DLGAP2: variants seen among roughly 807,000 people sequenced by gnomAD.
DLGAP2 encodes the protein DLG associated protein 2.
A neutral mutation model predicts 100.3 loss-of-function variants in DLGAP2; 26 were observed. The ratio of observed to expected loss-of-function variants is 0.26; its 90% CI spans 0.19 to 0.36. DLGAP2 has a LOEUF of 0.36. DLGAP2 is among the 10% of genes least tolerant of loss of function. DLGAP2 has a pLI of 1.00. For synonymous variants in DLGAP2, 886 were observed against 630.1 expected, an observed-to-expected ratio of 1.41 and a Z score of -6.08; for missense variants, 1,858 against 1,453.2, an observed-to-expected ratio of 1.28 and a Z score of -4.53.
intron 2 of DLGAP2, among the ~76,000 whole-genome samples, chr8:1,146,430 T>G (rs765793376): frequency 6.6e-6 from 1 of 152,236 alleles, no homozygotes; most frequent in South Asian, 2.1e-4. Context: ...ATGGAATCTT[T>G]GATGATCAGA....
At chr8:1,555,310 G>C (rs1011760676) in intron 5 of DLGAP2, among the ~76,000 whole-genome samples, 2 of 152,124 alleles carry the variant, frequency 1.3e-5, no homozygotes, top group African/African-American at 4.8e-5. Context: ...GTCCTAAAAC[G>C]CCTCCTTGAG....
intron 3 of DLGAP2, among the ~76,000 whole-genome samples, chr8:1,409,463 C>G (rs1007503584): frequency 2.6e-5 from 4 of 152,224 alleles, no homozygotes; most frequent in Admixed American, 1.3e-4. Context: ...TCAGTAAAGA[C>G]TGATTTCAGA....
At chr8:1,478,662 G>A (rs534172194) in intron 3 of DLGAP2, among the ~76,000 whole-genome samples, 152 of 150,186 alleles carry the variant, frequency 1.0e-3, no homozygotes, top group African/African-American at 3.4e-3. Flanking sequence ...CATTGACACC[G>A]GAGATGCCCA....
intron 2 of DLGAP2, among the ~76,000 whole-genome samples, chr8:975,191 A>G (rs1456018877): frequency 1.3e-5 from 2 of 152,236 alleles, no homozygotes; most frequent in African/African-American, 4.8e-5. Flanking sequence ...AACTCACACA[A>G]GAAGGAATAG....
intron 1 of DLGAP2, among the ~76,000 whole-genome samples, chr8:830,602 G>T (rs767335056): frequency 6.6e-6 from 1 of 152,016 alleles, no homozygotes. Context: ...TTTAAGTTAC[G>T]GGTGCTACTG....
At chr8:814,845 C>T (rs538089763) in intron 1 of DLGAP2, among the ~76,000 whole-genome samples, 10 of 101,726 alleles carry the variant, frequency 9.8e-5, no homozygotes, top group Admixed American at 2.3e-4. Context: ...AGCAAGACTC[C>T]GTCTCAAAAA....
intron 3 of DLGAP2, among the ~76,000 whole-genome samples, chr8:1,441,387 G>T (rs1001844266): frequency 3.3e-5 from 5 of 151,910 alleles, no homozygotes; most frequent in African/African-American, 1.2e-4. Flanking sequence ...TCAACCTAAG[G>T]CCCCATTTAA....
intron 3 of DLGAP2, among the ~76,000 whole-genome samples, chr8:1,322,442 G>C (rs114746702): frequency 6.6e-6 from 1 of 151,940 alleles, no homozygotes; most frequent in African/African-American, 2.4e-5. Flanking sequence ...GACTTCACGC[G>C]TGTGGATCCG....
At chr8:1,379,473 C>T (rs1279093369) in intron 3 of DLGAP2, 3 of 152,314 alleles carry the variant, frequency 2.0e-5, no homozygotes, top group East Asian at 1.9e-4. Context: ...CTCCTCATGG[C>T]GAATTTCCTC....
intron 2 of DLGAP2, among the ~76,000 whole-genome samples, chr8:1,063,144 A>C (rs1803139103): frequency 6.6e-6 from 1 of 152,198 alleles, no homozygotes; most frequent in Non-Finnish European, 1.5e-5. Context: ...ATAGGATAAA[A>C]AGAAAAGAGG....
At chr8:1,515,894 C>G (rs1298487300) in intron 4 of DLGAP2, among the ~76,000 whole-genome samples, 2 of 152,232 alleles carry the variant, frequency 1.3e-5, no homozygotes, top group Non-Finnish European at 2.9e-5. Context: ...GAGGGATGGG[C>G]TTATTACAAT....
At chr8:1,201,151 G>T (rs1167408364) in intron 2 of DLGAP2, among the ~76,000 whole-genome samples, 1 of 152,206 alleles carries the variant, frequency 6.6e-6, no homozygotes, top group African/African-American at 2.4e-5. Flanking sequence ...ATGCCACGGA[G>T]CCCTGTGGAG....
At chr8:1,255,358 G>A (rs1799172686) in intron 2 of DLGAP2, among the ~76,000 whole-genome samples, 1 of 106,814 alleles carries the variant, frequency 9.4e-6, no homozygotes. Flanking sequence ...TGGGTGCTGT[G>A]TGTGTGCCCT....
intron 1 of DLGAP2, among the ~76,000 whole-genome samples, chr8:839,112 G>A (rs990838823): frequency 4.6e-5 from 7 of 152,142 alleles, no homozygotes; most frequent in Admixed American, 2.0e-4. Flanking sequence ...GGGGAGAAAA[G>A]GGAACCCTAG....
At chr8:1,069,933 C>T (rs946723460) in intron 2 of DLGAP2, among the ~76,000 whole-genome samples, 2 of 152,184 alleles carry the variant, frequency 1.3e-5, no homozygotes, top group African/African-American at 4.8e-5. Context: ...TGAACCCCCT[C>T]CCCAAAGCTG....
intron 6 of DLGAP2, among the ~76,000 whole-genome samples, chr8:1,623,802 C>T (rs144040816): frequency 5.1e-4 from 78 of 152,356 alleles, no homozygotes; most frequent in Non-Finnish European, 8.8e-4. Context: ...TAGGACAATG[C>T]AAAACACTTA....
chr8:1,204,885 G>T (rs1797956806), intron 2 of DLGAP2, among the ~76,000 whole-genome samples: 1 of 152,208 alleles, frequency 6.6e-6, no homozygotes, highest in South Asian at 2.1e-4. Context: ...CCAGAGCCTG[G>T]ACTTGGTCCC....
chr8:832,433 A>T (rs1003391388), intron 1 of DLGAP2, among the ~76,000 whole-genome samples: 6 of 152,136 alleles, frequency 3.9e-5, no homozygotes, highest in Admixed American at 1.3e-4. Context: ...GTGACATTTT[A>T]ATTTTATTGT....
intron 1 of DLGAP2, among the ~76,000 whole-genome samples, chr8:804,419 C>T (rs745392513): frequency 2.6e-5 from 4 of 152,254 alleles, no homozygotes; most frequent in African/African-American, 7.2e-5. Flanking sequence ...TGGTGGAAAC[C>T]GCTACTGCAC....
Sources: gnomAD v4.1 joint callset for allele counts (sites outside exome capture counted in the v4.1 genomes callset) on GRCh38, gnomAD v4.1.1 for gene constraint, MANE v1.5 for transcripts, NCBI Gene and HGNC (gene_info 2026-07-23, HGNC 2026-07-21) for gene names.